The following SLC18A2 variants were observed in gnomAD, a reference collection of about 807,000 sequenced individuals.
SLC18A2 encodes the protein synaptic vesicular amine transporter.
SLC18A2 carries 33 observed loss-of-function variants against 59.2 expected under a neutral mutation model. The ratio of observed to expected loss-of-function variants is 0.56; its 90% CI spans 0.42 to 0.75. The LOEUF (loss-of-function observed/expected upper bound fraction) is 0.75. Among genes scored for constraint, SLC18A2 ranks in the 30% least tolerant of loss-of-function variants. The probability of loss-of-function intolerance (pLI) is 0.00; values close to 1 mark genes in which losing one functional copy is unlikely to be tolerated. For missense variants in SLC18A2, 569 were observed against 668.6 expected (o/e 0.85, Z 1.64); for synonymous variants, 228 against 253.5 (o/e 0.90, Z 0.95).
Position 117,244,108 on chromosome 10 carries a change from A to G in SLC18A2, c.259A>G (p.Met87Val), listed in dbSNP as rs201569242. ...CTTCTCCTATTATGATAACTCGACT[A>G]TGGTCACCGGGAATGCTACCAGAGA... ...SIFSYYDNST[M>V]VTGNATRDLT... Residue 87 changes from methionine (M) to valine (V), a missense_variant, in exon 3 of 16, where the codon ATG becomes GTG. Coordinates refer to ENST00000644641, the MANE Select transcript of SLC18A2 (RefSeq NM_003054.6). The G allele has an allele frequency of 8.1e-6, 13 of 1,614,200 alleles. No individual in the cohort carries two copies. Among genetic ancestry groups the G allele is most frequent in the Admixed American group, 6.7e-5 (4 of 60,028 alleles).
In SLC18A2 at chr10:117,277,448, C is replaced by T. The variant is rs1164265616; in HGVS notation, c.*182C>T. ...CAACAGCCTTATAAAGAAAAAGAAG[C>T]TTTTCTAGGGGTTTGTATAAATAGT... On this transcript the variant is annotated 3_prime_UTR_variant, in exon 16 of 16. Coordinates refer to ENST00000644641, the MANE Select transcript of SLC18A2 (RefSeq NM_003054.6). 5 of 402,192 alleles carry T rather than the reference C, an allele frequency of 1.2e-5. No individual in the cohort carries two copies. Among genetic ancestry groups the T allele is most frequent in the Non-Finnish European group, 2.2e-5 (5 of 226,412 alleles). The allele number at this position is 402,192 out of a possible 1,614,324, so 24.9% of individuals were successfully genotyped here.
At chr10:117,270,711 C>G (rs1263198636) in intron 15 of SLC18A2, among the ~76,000 whole-genome samples, 1 of 152,172 alleles carries the variant, frequency 6.6e-6, no homozygotes. Context: ...CAGTGTTGCT[C>G]TTTTGTCGAC....
At chr10:117,252,869 G>A (rs1052167940) in intron 3 of SLC18A2, among the ~76,000 whole-genome samples, 8 of 152,142 alleles carry the variant, frequency 5.3e-5, no homozygotes, top group African/African-American at 1.7e-4. Flanking sequence ...GTGGTCTCAC[G>A]GAGCAATTTG....
At chr10:117,241,958 C>T (rs1232564874) in intron 2 of SLC18A2, 144 bp downstream of exon 2, 1 of 814,984 alleles carries the variant, frequency 1.2e-6, no homozygotes, top group Non-Finnish European at 1.8e-6. Context: ...GACATCCCCT[C>T]CAGGCTGCCG....
In SLC18A2 at chr10:117,254,466, C is replaced by T. The variant is rs539686014; in HGVS notation, c.669C>T (p.Ile223=). The part of the protein sequence containing the change: ...DDEERGNVMG[I]ALGGLAMGVL... ...AAGAGAGAGGCAACGTCATGGGAAT[C>T]GCCTTGGGAGGCCTGGCCATGGGGG... Residue 223 remains isoleucine, a synonymous_variant, in exon 6 of 16, where the codon ATC becomes ATT. Transcript: ENST00000644641. The T allele has an allele frequency of 1.9e-5, 30 of 1,609,454 alleles. 1 individual carries two copies. The South Asian group carries it at 1.9e-4, about 10-fold the overall frequency.
intron 6 of SLC18A2, among the ~76,000 whole-genome samples, chr10:117,254,776 C>T (rs987639578): frequency 2.0e-5 from 3 of 152,192 alleles, no homozygotes; most frequent in Non-Finnish European, 4.4e-5. Flanking sequence ...AGACCCTTTC[C>T]TCGGGAACAT....
intron 3 of SLC18A2, among the ~76,000 whole-genome samples, chr10:117,250,917 G>C (rs527709739): frequency 5.9e-5 from 9 of 152,220 alleles, no homozygotes; most frequent in Non-Finnish European, 1.0e-4. Context: ...AGTGGGCACA[G>C]TATGGCTGGT....
Position 117,254,508 on chromosome 10 carries a change from C to T in SLC18A2, c.700+11C>T, listed in dbSNP as rs193089725. The T allele has an allele frequency of 1.3e-6, 2 of 1,585,142 alleles. No homozygotes were observed. Among genetic ancestry groups the T allele is most frequent in the Non-Finnish European group, 1.7e-6 (2 of 1,165,486 alleles). On this transcript the variant is annotated intron_variant, in intron 6 of 15. Coordinates refer to ENST00000644641, the MANE Select transcript of SLC18A2 (RefSeq NM_003054.6). ...CCATGGGGGTCTTAGGTGGGTAAGG[C>T]CCCCGTGTAGGCAAACTGGCAAGAG... is the stretch of plus-strand genomic sequence containing the variant.
chr10:117,262,250 C>T (rs1383790634), intron 10 of SLC18A2, among the ~76,000 whole-genome samples: 2 of 152,184 alleles, frequency 1.3e-5, no homozygotes, highest in Non-Finnish European at 2.9e-5. Context: ...TAAAACAAAA[C>T]CCAAACCAAG....
intron 15 of SLC18A2, among the ~76,000 whole-genome samples, chr10:117,275,455 C>CA (rs60150747): frequency 0.014 from 2,073 of 151,870 alleles, 48 homozygotes; most frequent in African/African-American, 0.046. Context: ...TTGCAAACTG[C>CA]AAAAAAAATA....
chr10:117,254,537 C>T, intron 6 of SLC18A2, 40 bp downstream of exon 6: 1 of 1,476,712 alleles, frequency 6.8e-7, no homozygotes, highest in South Asian at 1.3e-5. Flanking sequence ...GCAAGAGGGG[C>T]CTGCCTGGTG....
rs363269 is a variant in SLC18A2, at chr10:117,267,648, G to T, written c.1123-25G>T. ...TAGAGTTGGATCTCTTGTTATTTTA[G>T]CATAATGTTTATTTCCTCTTACAGA... On this transcript the variant is annotated intron_variant, in intron 12 of 15. Coordinates refer to ENST00000644641, the MANE Select transcript of SLC18A2 (RefSeq NM_003054.6). 7,157 of 1,516,574 alleles carry T rather than the reference G, an allele frequency of 4.7e-3. 192 individuals are homozygous for T. In the African/African-American group the frequency reaches 0.073, roughly 15 times the overall value. 93.9% of individuals were successfully genotyped at this position (1,516,574 alleles called of 1,614,324 possible).
intron 3 of SLC18A2, among the ~76,000 whole-genome samples, 161 bp from the exon 4 acceptor site, chr10:117,253,238 A>G (rs1455616881): frequency 1.3e-5 from 2 of 152,176 alleles, no homozygotes; most frequent in Non-Finnish European, 2.9e-5. Context: ...ACAGTCAAAC[A>G]CAAAAAGGTC....
At chr10:117,271,702 C>T (rs1263826367) in intron 15 of SLC18A2, among the ~76,000 whole-genome samples, 1 of 152,190 alleles carries the variant, frequency 6.6e-6, no homozygotes, top group African/African-American at 2.4e-5. Context: ...CTGAAAACCA[C>T]ATCACCTTCT....
chr10:117,251,319 G>A (rs1031073736), intron 3 of SLC18A2, among the ~76,000 whole-genome samples: 2 of 152,158 alleles, frequency 1.3e-5, no homozygotes, highest in African/African-American at 4.8e-5. Context: ...CCTCCTGGAC[G>A]TTTCCTGATT....
At chr10:117,250,929 G>A (rs1028837582) in intron 3 of SLC18A2, among the ~76,000 whole-genome samples, 1 of 152,208 alleles carries the variant, frequency 6.6e-6, no homozygotes, top group Admixed American at 6.5e-5. Flanking sequence ...ATGGCTGGTG[G>A]TTTGGGGGCC....
At chr10:117,273,428 T>C (rs549130080) in intron 15 of SLC18A2, among the ~76,000 whole-genome samples, 2 of 152,334 alleles carry the variant, frequency 1.3e-5, no homozygotes, top group East Asian at 3.9e-4. Flanking sequence ...CGCTTCTTAA[T>C]TTTACTCTTG....
chr10:117,253,563 G>C lies in SLC18A2; in HGVS notation c.523+106G>C, dbSNP rs934909415. 3.5e-5 allele frequency: 11 copies of C among 318,150 alleles called. 2 individuals are homozygous for C. The highest frequency in any genetic ancestry group is 1.2e-4 in the African/African-American group (5 of 42,040). The allele number at this position is 318,150 out of a possible 1,614,324, so 19.7% of individuals were successfully genotyped here. ...CAACCTAAGGACGGCGGGGGGGCGG[G>C]GGGGGTCGTGGTTGGCTCATGCCTG... On this transcript the variant is annotated intron_variant, in intron 4 of 15. Coordinates refer to ENST00000644641, the MANE Select transcript of SLC18A2 (RefSeq NM_003054.6).
In SLC18A2 at chr10:117,266,266, T is replaced by TA. The variant is rs1212942613; in HGVS notation, c.992-466dup. ...ATATATTTATATATGTAAATAAACT[T>TA]ACAGGAGAAAATAACTGTGGTGATT... On this transcript the variant is annotated intron_variant, in intron 10 of 15. Coordinates refer to ENST00000644641, the MANE Select transcript of SLC18A2 (RefSeq NM_003054.6). Among the ~76,000 whole-genome samples the TA allele has an allele frequency of 2.6e-5, 4 of 152,250 alleles. No individual in the cohort carries two copies. The East Asian group carries it at 7.7e-4, about 29-fold the overall frequency.
Sources: gnomAD v4.1 joint callset for allele counts (sites outside exome capture counted in the v4.1 genomes callset) on GRCh38, gnomAD v4.1.1 for gene constraint, MANE v1.5 for transcripts, NCBI Gene and HGNC (gene_info 2026-07-23, HGNC 2026-07-21) for gene names.